The following PPL variants were observed in gnomAD, a reference collection of about 807,000 sequenced individuals.
PPL encodes the protein 190 kDa paraneoplastic pemphigus antigen.
In PPL, 198 loss-of-function variants were observed where a neutral mutation model predicts 194.4. The observed-to-expected ratio is 1.02, with a 90% confidence interval of 0.91 to 1.15. The LOEUF is 1.15. Among genes scored for constraint, PPL ranks in the 50% most tolerant of loss-of-function variants. The pLI, the probability that PPL is intolerant of heterozygous loss-of-function variation, is 0.00. For synonymous variants in PPL, 1,220 were observed against 972.4 expected, an observed-to-expected ratio of 1.25 and a Z score of -4.74; for missense variants, 2,885 against 2,294.8, an observed-to-expected ratio of 1.26 and a Z score of -5.25.
At chr16:4,898,254 T>A (rs2142357669) in intron 8 of PPL, among the ~76,000 whole-genome samples, 1 of 152,284 alleles carries the variant, frequency 6.6e-6, no homozygotes, top group Middle Eastern at 3.4e-3. Flanking sequence ...GGTGTGCGCC[T>A]GTAGTCCCAG....
chr16:4,893,323 C>T lies in PPL; in HGVS notation c.1540G>A (p.Val514Met), dbSNP rs145367657. 40 of 1,608,486 alleles carry T rather than the reference C, an allele frequency of 2.5e-5. No individual in the cohort carries two copies. Among genetic ancestry groups the T allele is most frequent in the Non-Finnish European group, 3.1e-5 (36 of 1,179,692 alleles). The change falls in exon 14 of 22, where the codon GTG becomes ATG. Residue 514 changes from valine to methionine, a missense_variant. By Grantham distance (21) the Val-to-Met change is conservative. Transcript: ENST00000345988. ...TCCTGCCGGTCCAGGTCGCTGGCCA[C>T]CTTGTCCAAGCCAGCCAGCAGCTGC... Reference protein sequence around the residue: ...GRQLLAGLDKVASDLDRQEKA... With the variant: ...GRQLLAGLDKMASDLDRQEKA...
chr16:4,936,963 G>A (rs1474036129), intron 1 of PPL, 21 bp downstream of exon 1: 5 of 1,583,488 alleles, frequency 3.2e-6, no homozygotes, highest in South Asian at 1.1e-5. Context: ...TCCCGGAGCG[G>A]AGCTGTGGGC....
chr16:4,890,278 T>C lies in PPL; in HGVS notation c.2219A>G (p.Asp740Gly). The C allele has an allele frequency of 6.2e-7, 1 of 1,614,180 alleles. No homozygotes were observed. Among genetic ancestry groups the C allele is most frequent in the Non-Finnish European group, 8.5e-7 (1 of 1,180,040 alleles). ...GCTGACTAGGAACTGCAGCACGTGG[T>C]CATGGCCGCGGTGGAAGTGCTCGTA... ...AAYEHFHRGH[D>G]HVLQFLVSIP... The change falls in exon 18 of 22, where the codon GAC (aspartate) becomes GGC (glycine). Residue 740 changes from aspartate to glycine, a missense_variant. Transcript: ENST00000345988.
rs35869555 is a variant in PPL, at chr16:4,892,169, C to T, written c.1695G>A (p.Arg565=). Residue 565 remains arginine, a synonymous_variant, in exon 15 of 22, where the codon CGG becomes CGA. Transcript: ENST00000345988. ...TGAAGGCTTCGCCCTCAGCCGTGCTCCGCGTCTTCTCAGGTTCAATCCGCA... is the reference window on the plus strand; with the variant it reads ...TGAAGGCTTCGCCCTCAGCCGTGCTTCGCGTCTTCTCAGGTTCAATCCGCA... ...ELLRIEPEKT[R]STAEGEAFIQ... is the part of the protein sequence containing the mutation. 5,061 of 1,613,780 alleles carry T rather than the reference C, an allele frequency of 3.1e-3. 133 individuals carry two copies. In the African/African-American group the frequency reaches 0.056, roughly 18 times the overall value.
In PPL at chr16:4,895,671, C is replaced by A; in HGVS notation, c.1018G>T (p.Asp340Tyr). 6.2e-7 allele frequency: 1 copy of A among 1,614,016 alleles called. No individual in the cohort carries two copies. The highest frequency in any genetic ancestry group is 8.5e-7 in the Non-Finnish European group (1 of 1,180,006). Reference protein sequence around the residue: ...KDAQELLRKVDSDLNQKYGPD... With the variant: ...KDAQELLRKVYSDLNQKYGPD... The stretch of plus-strand genomic sequence containing the variant: ...CCATACTTCTGGTTCAGGTCCGAGT[C>A]CACCTTGCGCAGCAGCTCCTGAGCG... Residue 340 changes from aspartate to tyrosine, a missense_variant, in exon 10 of 22, where the codon GAC becomes TAC. Physicochemically the swap from Asp to Tyr is radical, Grantham distance 160. Coordinates refer to ENST00000345988, the MANE Select transcript of PPL (RefSeq NM_002705.5).
At position 4,903,937 on chromosome 16, in the gene PPL, G is replaced by A. The variant is rs1425048810; in HGVS notation, c.266C>T (p.Ala89Val). ...EKLLYVLEAD[A>V]AIAKHMKHPQ... ...GTGCTTCATGTGCTTGGCAATGGCCGCATCCGCCTCTAGCACATAGAGCAG... is the reference window on the plus strand; with the variant it reads ...GTGCTTCATGTGCTTGGCAATGGCCACATCCGCCTCTAGCACATAGAGCAG... Residue 89 changes from alanine (A) to valine (V), a missense_variant, in exon 3 of 22, where the codon GCG becomes GTG. Coordinates refer to ENST00000345988, the MANE Select transcript of PPL (RefSeq NM_002705.5). 4 of 1,613,930 alleles carry A rather than the reference G, an allele frequency of 2.5e-6. No individual in the cohort carries two copies. In the Admixed American group the frequency reaches 5.0e-5, roughly 20 times the overall value.
intron 1 of PPL, among the ~76,000 whole-genome samples, chr16:4,930,403 G>T (rs1270209003): frequency 6.6e-6 from 1 of 152,212 alleles, no homozygotes; most frequent in African/African-American, 2.4e-5. Flanking sequence ...CTTTCCACTA[G>T]CTGGAACCCC....
At chr16:4,910,046 G>A (rs1383312987) in intron 2 of PPL, among the ~76,000 whole-genome samples, 2 of 152,088 alleles carry the variant, frequency 1.3e-5, no homozygotes, top group African/African-American at 4.8e-5. Flanking sequence ...CAACCCAATC[G>A]CACCGGGCTG....
At chr16:4,895,146 C>T (rs1359285192) in intron 11 of PPL, 115 bp downstream of exon 11, 2 of 1,306,474 alleles carry the variant, frequency 1.5e-6, no homozygotes, top group Non-Finnish European at 1.0e-6. Context: ...GGCAGAGTGA[C>T]ACCAACCACG....
At chr16:4,906,744 C>A (rs926346010) in intron 2 of PPL, among the ~76,000 whole-genome samples, 1 of 152,252 alleles carries the variant, frequency 6.6e-6, no homozygotes, top group Admixed American at 6.5e-5. Context: ...CAGAACTGAT[C>A]GATGGTGAGA....
chr16:4,890,053 G>A (rs2088290010), intron 18 of PPL, 131 bp downstream of exon 18: 1 of 1,328,386 alleles, frequency 7.5e-7, no homozygotes, highest in Non-Finnish European at 1.0e-6. Flanking sequence ...TGAGGCCCAG[G>A]GAGGACACAG....
chr16:4,885,423 G>A lies in PPL; in HGVS notation c.3232C>T (p.Gln1078Ter), dbSNP rs758781390. 5 of 1,612,670 alleles carry A rather than the reference G, an allele frequency of 3.1e-6. No individual in the cohort carries two copies. The highest frequency in any genetic ancestry group is 4.2e-6 in the Non-Finnish European group (5 of 1,179,972). Residue 1078 changes from glutamine (Q) to a stop codon, truncating the protein, a stop_gained, in exon 22 of 22, where the codon CAG (glutamine) becomes TAG (stop). Coordinates refer to ENST00000345988, the MANE Select transcript of PPL (RefSeq NM_002705.5). LOFTEE classifies it high-confidence loss of function. The surrounding 1 kb of genome is among the most constrained non-coding windows in gnomAD (Gnocchi z 6.3). ...AEYQQLQEDH[Q>*]RQDQLREKQE... ...TTCTCCCTGAGCTGGTCCTGGCGCT[G>A]GTGGTCCTCCTGCAGCTGCTGGTAC... is the stretch of plus-strand genomic sequence containing the variant.
intron 1 of PPL, among the ~76,000 whole-genome samples, chr16:4,933,521 C>T (rs1205122351): frequency 1.3e-5 from 2 of 152,170 alleles, no homozygotes; most frequent in East Asian, 3.8e-4. Flanking sequence ...GGTCAGATGC[C>T]TCCTCTGTGA....
rs1380263227 is a variant in PPL, at chr16:4,893,646, G to T, written c.1395-8C>A. On this transcript the variant is annotated splice_region_variant and splice_polypyrimidine_tract_variant and intron_variant, in intron 12 of 21. Coordinates refer to ENST00000345988, the MANE Select transcript of PPL (RefSeq NM_002705.5). ...CGGTACTGGCTGCCCAGGCTGTGAGGACAGAAATGAGCTGGGAACCTGGGC... is the reference window on the plus strand; with the variant it reads ...CGGTACTGGCTGCCCAGGCTGTGAGTACAGAAATGAGCTGGGAACCTGGGC... 1 of 1,575,422 alleles carries T rather than the reference G, an allele frequency of 6.3e-7. No homozygotes were observed. The highest frequency in any genetic ancestry group is 2.3e-5 in the East Asian group (1 of 42,576).
At chr16:4,920,926 C>T (rs182315074) in intron 1 of PPL, among the ~76,000 whole-genome samples, 11 of 152,232 alleles carry the variant, frequency 7.2e-5, no homozygotes, top group Admixed American at 2.6e-4. Context: ...TTATACAATT[C>T]GGGCCTTGCT....
Position 4,885,816 on chromosome 16 carries a change from C to G in PPL, c.2839G>C (p.Glu947Gln). Residue 947 changes from glutamate (E) to glutamine (Q), a missense_variant, in exon 22 of 22, where the codon GAG becomes CAG. Physicochemically the swap from Glu to Gln is conservative, Grantham distance 29. Transcript: ENST00000345988. This position sits in a 1 kb window ranked among gnomAD's most constrained non-coding sequence, Gnocchi z 6.3. ...VLKKVPDPVLEESFQQLQRTL... is the reference protein window; with the variant it reads ...VLKKVPDPVLQESFQQLQRTL... ...CGCTGCAGCTGCTGGAAGCTCTCCT[C>G]CAGCACGGGATCCGGCACCTTCTTG... 6.2e-7 allele frequency: 1 copy of G among 1,608,614 alleles called. No individual in the cohort carries two copies. The highest frequency in any genetic ancestry group is 8.5e-7 in the Non-Finnish European group (1 of 1,180,020).
At position 4,910,838 on chromosome 16, in the gene PPL, G is replaced by A. The variant is rs757141645; in HGVS notation, c.162+12C>T. On this transcript the variant is annotated intron_variant, in intron 2 of 21. Coordinates refer to ENST00000345988, the MANE Select transcript of PPL (RefSeq NM_002705.5). ...GGGGCACCCAGGTGGGAGTGGGAGT[G>A]GGGGCACTCACACTCTGCATCTTGG... The A allele has an allele frequency of 3.1e-6, 5 of 1,611,508 alleles. No individual in the cohort carries two copies. In the East Asian group the frequency reaches 6.7e-5, roughly 22 times the overall value.
At chr16:4,915,345 G>C (rs2088897331) in intron 1 of PPL, among the ~76,000 whole-genome samples, 1 of 152,244 alleles carries the variant, frequency 6.6e-6, no homozygotes, top group Admixed American at 6.5e-5. Context: ...CCTCAGGCAA[G>C]TGCCCTACCC....
Position 4,883,927 on chromosome 16 carries a change from C to T in PPL, c.4728G>A (p.Gln1576=), listed in dbSNP as rs1233954920. 4 of 1,613,952 alleles carry T rather than the reference C, an allele frequency of 2.5e-6. No homozygotes were observed. The highest frequency in any genetic ancestry group is 3.4e-6 in the Non-Finnish European group (4 of 1,180,022). The stretch of plus-strand genomic sequence containing the variant: ...CCGATTGGAGCCTTCGGGTCTCCAG[C>T]TGCAGGTTTTGCCTCTCCAGCTGTA... ...HKLQLERQNL[Q]LETRRLQSEI... Residue 1576 remains glutamine, a synonymous_variant, in exon 22 of 22, where the codon CAG becomes CAA. Transcript: ENST00000345988. This position sits in a 1 kb window ranked among gnomAD's most constrained non-coding sequence, Gnocchi z 4.8.
Sources: allele counts gnomAD v4.1 joint callset (sites outside exome capture counted in the v4.1 genomes callset), GRCh38; gene constraint gnomAD v4.1.1; non-coding constraint Gnocchi (gnomAD v3.1); transcripts MANE v1.5; gene names NCBI Gene and HGNC (gene_info 2026-07-23, HGNC 2026-07-21).